IFT74: variants seen among roughly 807,000 people sequenced by gnomAD.
IFT74 encodes the protein intraflagellar transport protein 74 homolog.
IFT74 carries 92 observed loss-of-function variants against 96.7 expected under a neutral mutation model. The ratio of observed to expected loss-of-function variants is 0.95; its 90% confidence interval spans 0.80 to 1.13. The LOEUF (loss-of-function observed/expected upper bound fraction) is 1.13, where lower values mean the gene tolerates loss of function less well. Among genes scored for constraint, IFT74 ranks in the 50% most tolerant of loss-of-function variants. IFT74 has a pLI of 0.00. For missense variants in IFT74, 811 were observed against 698.2 expected, an observed-to-expected ratio of 1.16 and a Z score of -1.82; for synonymous variants, 223 against 213.2, an observed-to-expected ratio of 1.05 and a Z score of -0.40.
rs999221488 is a variant in IFT74 at position 27,064,548 on chromosome 9, T to C, written c.*1812T>C. On this transcript the variant is annotated 3_prime_UTR_variant, in exon 20 of 20. Coordinates refer to ENST00000380062, the MANE Select transcript of IFT74 (RefSeq NM_025103.4). ...CGACTGCTGAAAAACATTCATCTTT[T>C]ATACAGTAACAAACAGAGGTATGAT... is the stretch of plus-strand genomic sequence containing the variant. Among the ~76,000 whole-genome samples, 1 of 152,110 alleles carries C rather than the reference T, an allele frequency of 6.6e-6. No individual in the cohort carries two copies. The highest frequency in any genetic ancestry group is 2.1e-4 in the South Asian group (1 of 4,828).
At chr9:26,974,454 T>A (rs1442279443) in intron 2 of IFT74, among the ~76,000 whole-genome samples, 1 of 152,180 alleles carries the variant, frequency 6.6e-6, no homozygotes, top group African/African-American at 2.4e-5. Context: ...GTCTAAGAAT[T>A]TTATAGGCCC....
At chr9:26,957,862 C>T (rs373600121) in intron 1 of IFT74, among the ~76,000 whole-genome samples, 4 of 151,656 alleles carry the variant, frequency 2.6e-5, no homozygotes, top group African/African-American at 9.7e-5. Flanking sequence ...GGCGCGATCT[C>T]GGCTCACTGC....
chr9:27,018,179 T>C (rs954173076), intron 11 of IFT74, among the ~76,000 whole-genome samples: 2 of 152,230 alleles, frequency 1.3e-5, no homozygotes, highest in Non-Finnish European at 2.9e-5. Flanking sequence ...GATATATATA[T>C]GTATATGGAA....
chr9:26,984,670 A>G, intron 6 of IFT74, 111 bp downstream of exon 6: 1 of 762,416 alleles, frequency 1.3e-6, no homozygotes, highest in South Asian at 1.9e-5. Context: ...TTTCAAAAGA[A>G]GACAAACATG....
At chr9:26,993,269 A>T (rs955278216) in intron 8 of IFT74, 37 of 152,156 alleles carry the variant, frequency 2.4e-4, no homozygotes, top group African/African-American at 8.7e-4. Context: ...TCAAATATTA[A>T]TATTTGCATC....
intron 12 of IFT74, among the ~76,000 whole-genome samples, chr9:27,027,395 G>A (rs909238606): frequency 3.9e-5 from 6 of 152,070 alleles, no homozygotes; most frequent in African/African-American, 1.4e-4. Context: ...CAAAGAATTG[G>A]TACTGTTTTA....
At chr9:26,985,731 ATAATT>A (rs1466092624) in intron 6 of IFT74, among the ~76,000 whole-genome samples, 4 of 152,204 alleles carry the variant, frequency 2.6e-5, no homozygotes, top group African/African-American at 9.6e-5. Context: ...TGTTAAAATA[ATAATT>A]TAAATAATTT....
At chr9:26,988,468 G>A (rs1827728098) in intron 6 of IFT74, among the ~76,000 whole-genome samples, 1 of 152,238 alleles carries the variant, frequency 6.6e-6, no homozygotes, top group African/African-American at 2.4e-5. Flanking sequence ...AATGTGATTT[G>A]TTTATTGGCC....
intron 10 of IFT74, among the ~76,000 whole-genome samples, chr9:27,013,651 G>A (rs1289712220): frequency 6.6e-6 from 1 of 152,160 alleles, no homozygotes. Context: ...TATGAATAAA[G>A]TTGAGTATCT....
At position 26,980,553 on chromosome 9, in the gene IFT74, TA is replaced by T; in HGVS notation, c.257-14del. 6.4e-7 allele frequency: 1 copy of T among 1,568,394 alleles called. No individual in the cohort carries two copies. The highest frequency in any genetic ancestry group is 8.8e-7 in the Non-Finnish European group (1 of 1,138,732). ...GCATTTCGAACTGAACACTAACACT[TA>T]AAACATTTTTTTTTAGGTCCCCAGA... On this transcript the variant is annotated splice_polypyrimidine_tract_variant and intron_variant, in intron 3 of 19. Coordinates refer to ENST00000380062, the MANE Select transcript of IFT74 (RefSeq NM_025103.4).
intron 10 of IFT74, among the ~76,000 whole-genome samples, chr9:27,013,650 A>G (rs1829214701): frequency 6.6e-6 from 1 of 152,204 alleles, no homozygotes; most frequent in Non-Finnish European, 1.5e-5. Context: ...TTATGAATAA[A>G]GTTGAGTATC....
chr9:27,003,885 T>C (rs1435635332), intron 8 of IFT74, among the ~76,000 whole-genome samples: 1 of 152,236 alleles, frequency 6.6e-6, no homozygotes, highest in Non-Finnish European at 1.5e-5. Context: ...AGTTTACCTA[T>C]GTTTAATGAT....
chr9:26,952,252 A>T (rs1225391174), upstream of IFT74, among the ~76,000 whole-genome samples: 2 of 150,184 alleles, frequency 1.3e-5, no homozygotes, highest in African/African-American at 4.9e-5. Context: ...TCGTCCCCTC[A>T]TTGAAAGTTT....
intron 18 of IFT74, among the ~76,000 whole-genome samples, chr9:27,058,036 A>T (rs1333056754): frequency 6.6e-6 from 1 of 152,134 alleles, no homozygotes; most frequent in Non-Finnish European, 1.5e-5. Context: ...TTTTACAAAA[A>T]ATAAAACCAT....
At chr9:26,965,806 T>G (rs1352866537) in intron 2 of IFT74, among the ~76,000 whole-genome samples, 1 of 152,056 alleles carries the variant, frequency 6.6e-6, no homozygotes, top group Non-Finnish European at 1.5e-5. Flanking sequence ...TTTGTAATCT[T>G]TAGTGTCTGT....
chr9:27,042,581 G>C (rs1000027251), intron 13 of IFT74, among the ~76,000 whole-genome samples: 46 of 152,252 alleles, frequency 3.0e-4, no homozygotes, highest in African/African-American at 7.5e-4. Flanking sequence ...GCAGTGTCTT[G>C]GGGTTTAAAA....
chr9:26,996,340 C>T, intron 8 of IFT74: 1 of 1,601,522 alleles, frequency 6.2e-7, no homozygotes, highest in Non-Finnish European at 8.5e-7. Context: ...GTTCGAAGAG[C>T]TATTAAATAT....
intron 8 of IFT74, among the ~76,000 whole-genome samples, chr9:26,997,073 G>A (rs181160862): frequency 2.9e-4 from 44 of 151,912 alleles, no homozygotes; most frequent in African/African-American, 9.6e-4. Context: ...TTAGCCAGGC[G>A]TGGTGGCTCA....
At position 26,978,134 on chromosome 9, in the gene IFT74, C is replaced by T; in HGVS notation, c.127C>T (p.Pro43Ser). Residue 43 changes from proline to serine, a missense_variant, in exon 3 of 20, where the codon CCT becomes TCT. Coordinates refer to ENST00000380062, the MANE Select transcript of IFT74 (RefSeq NM_025103.4). ...GNIRVATAMP[P>S]GTARPGSRGC... ...AATCTTGTTTGTCATTTAGATGCCA[C>T]CTGGGACAGCAAGACCAGGTTCTCG... is the stretch of plus-strand genomic sequence containing the variant. 1.9e-6 allele frequency: 3 copies of T among 1,593,256 alleles called. No homozygotes were observed. The highest frequency in any genetic ancestry group is 2.6e-6 in the Non-Finnish European group (3 of 1,175,046).
Sources: allele counts gnomAD v4.1 joint callset (sites outside exome capture counted in the v4.1 genomes callset), GRCh38; gene constraint gnomAD v4.1.1; transcripts MANE v1.5; gene names NCBI Gene and HGNC (gene_info 2026-07-23, HGNC 2026-07-21).